Variants in EPM2A observed in about 807,000 individuals in gnomAD.
EPM2A encodes laforin.
Under a neutral mutation model 26.5 loss-of-function variants are expected in EPM2A, and 21 were observed. That is an observed-to-expected ratio of 0.79 (90% confidence interval 0.56 to 1.14). The LOEUF (loss-of-function observed/expected upper bound fraction) is 1.14, where lower values mean the gene tolerates loss of function less well. Among genes scored for constraint, EPM2A ranks in the 50% most tolerant of loss-of-function variants. The probability of loss-of-function intolerance (pLI) is 0.00; values close to 1 mark genes in which losing one functional copy is unlikely to be tolerated. For missense variants in EPM2A, 458 were observed against 440.8 expected (o/e 1.04, Z -0.35); for synonymous variants, 217 against 177.6 (o/e 1.22, Z -1.76).
chr6:145,471,162 C>G (rs1779468144), intron 4 of EPM2A, among the ~76,000 whole-genome samples: 1 of 152,134 alleles, frequency 6.6e-6, no homozygotes, highest in Non-Finnish European at 1.5e-5. Context: ...GCAAAACTGT[C>G]AAGGCCTATT....
intron 4 of EPM2A, among the ~76,000 whole-genome samples, chr6:145,487,480 T>C (rs1240195999): frequency 6.6e-6 from 1 of 152,202 alleles, no homozygotes; most frequent in Non-Finnish European, 1.5e-5. Context: ...GCATTCCCTT[T>C]TCTCTGCAAC....
intron 4 of EPM2A, among the ~76,000 whole-genome samples, chr6:145,453,348 C>G (rs934063647): frequency 6.6e-6 from 1 of 152,132 alleles, no homozygotes; most frequent in African/African-American, 2.4e-5. Flanking sequence ...TTAAAGCTTT[C>G]CACTCAGATG....
chr6:145,546,321 G>A (rs1439704671), intron 2 of EPM2A, among the ~76,000 whole-genome samples: 1 of 152,184 alleles, frequency 6.6e-6, no homozygotes, highest in South Asian at 2.1e-4. Flanking sequence ...ACCCAGCTTT[G>A]GGGGAGAGAG....
intron 2 of EPM2A, among the ~76,000 whole-genome samples, chr6:145,652,435 A>G (rs1268672919): frequency 6.6e-6 from 1 of 152,162 alleles, no homozygotes; most frequent in Admixed American, 6.5e-5. Flanking sequence ...GAATTTTTGT[A>G]TCCTGTCAAT....
At chr6:145,409,300 T>G (rs138740096) in intron 4 of EPM2A, among the ~76,000 whole-genome samples, 1 of 152,246 alleles carries the variant, frequency 6.6e-6, no homozygotes, top group East Asian at 1.9e-4. Flanking sequence ...AAAATTGACT[T>G]CATTACTTTG....
intron 2 of EPM2A, among the ~76,000 whole-genome samples, chr6:145,520,789 T>G (rs1349712582): frequency 6.6e-6 from 1 of 152,038 alleles, no homozygotes; most frequent in African/African-American, 2.4e-5. Context: ...ACAAGGGCCA[T>G]GGGGAGGATT....
chr6:145,405,776 T>C (rs995055422), intron 4 of EPM2A, among the ~76,000 whole-genome samples: 1 of 152,154 alleles, frequency 6.6e-6, no homozygotes, highest in Non-Finnish European at 1.5e-5. Context: ...ATAGTCATTC[T>C]GGAAACTGTT....
chr6:145,663,912 C>A (rs1236387508), intron 2 of EPM2A, among the ~76,000 whole-genome samples: 1 of 80,482 alleles, frequency 1.2e-5, no homozygotes, highest in Non-Finnish European at 2.4e-5. Flanking sequence ...TCCAGCCAAA[C>A]TAAGCTTCAT....
chr6:145,555,869 A>G (rs1230588589), intron 2 of EPM2A, among the ~76,000 whole-genome samples: 1 of 152,116 alleles, frequency 6.6e-6, no homozygotes, highest in Non-Finnish European at 1.5e-5. Context: ...TTCCATAAGT[A>G]GTTCCCTGAC....
intron 2 of EPM2A, among the ~76,000 whole-genome samples, chr6:145,549,523 T>C (rs1780626586): frequency 6.6e-6 from 1 of 152,114 alleles, no homozygotes; most frequent in Non-Finnish European, 1.5e-5. Context: ...ATTTTACTCT[T>C]CAACTTCACT....
chr6:145,443,939 G>C (rs1779099584), intron 4 of EPM2A, among the ~76,000 whole-genome samples: 1 of 152,178 alleles, frequency 6.6e-6, no homozygotes. Context: ...TGCCATGATT[G>C]TGAGGCCTCC....
At chr6:145,428,657 G>A (rs1778883712) in intron 4 of EPM2A, among the ~76,000 whole-genome samples, 1 of 152,186 alleles carries the variant, frequency 6.6e-6, no homozygotes, top group Admixed American at 6.5e-5. Context: ...GTTTATGTGG[G>A]CTTTATTTGA....
intron 2 of EPM2A, among the ~76,000 whole-genome samples, chr6:145,661,996 A>T (rs1458403291): frequency 5.9e-5 from 9 of 152,244 alleles, no homozygotes; most frequent in Non-Finnish European, 1.5e-5. Flanking sequence ...ACGTCTGGTA[A>T]CATCAGAAAC....
chr6:145,571,619 C>G (rs769039384), intron 2 of EPM2A, among the ~76,000 whole-genome samples: 1 of 152,194 alleles, frequency 6.6e-6, no homozygotes, highest in African/African-American at 2.4e-5. Context: ...AAGTAGCTGG[C>G]TGATTACCTA....
chr6:145,557,497 C>G (rs1341109061), intron 2 of EPM2A, among the ~76,000 whole-genome samples: 1 of 151,980 alleles, frequency 6.6e-6, no homozygotes, highest in African/African-American at 2.4e-5. Flanking sequence ...ACTAAAGGGT[C>G]ATGTTACCTT....
intron 4 of EPM2A, among the ~76,000 whole-genome samples, chr6:145,443,116 C>T (rs1779087319): frequency 6.6e-6 from 1 of 152,080 alleles, no homozygotes; most frequent in Non-Finnish European, 1.5e-5. Context: ...TGTGATCCAC[C>T]TGCCTCGGCC....
chr6:145,625,900 C>T lies in EPM2A; in HGVS notation c.*1516G>A, dbSNP rs1261436994. 1.2e-5 allele frequency: 17 copies of T among 1,455,866 alleles called. No homozygotes were observed. The highest frequency in any genetic ancestry group is 4.2e-5 in the South Asian group (3 of 70,750). The allele number at this position is 1,455,866 out of a possible 1,614,324, so 90.2% of individuals were successfully genotyped here. A position where few individuals can be genotyped will look rare whatever the true frequency, so the allele number is the denominator to read the frequency against. On this transcript the variant is annotated 3_prime_UTR_variant, in exon 4 of 4. Coordinates refer to ENST00000367519, the MANE Select transcript of EPM2A (RefSeq NM_005670.4). ...AAAGGAAGGTGCAGAAAAATAAATA[C>T]GCATCATAGTTTAATTAGGAAAGTA...
intron 2 of EPM2A, among the ~76,000 whole-genome samples, chr6:145,540,992 A>G (rs944938654): frequency 4.6e-5 from 7 of 152,140 alleles, no homozygotes; most frequent in Middle Eastern, 3.2e-3. Flanking sequence ...CAGCCTTTTC[A>G]ATTGTATGTG....
chr6:145,645,582 G>T (rs1015271088), intron 2 of EPM2A, among the ~76,000 whole-genome samples: 1 of 151,978 alleles, frequency 6.6e-6, no homozygotes, highest in Non-Finnish European at 1.5e-5. Context: ...TGGGATTACA[G>T]GGATAAGCCA....
Sources: gnomAD v4.1 joint callset for allele counts (sites outside exome capture counted in the v4.1 genomes callset) on GRCh38, gnomAD v4.1.1 for gene constraint, MANE v1.5 for transcripts, NCBI Gene and HGNC (gene_info 2026-07-23, HGNC 2026-07-21) for gene names.